DPYD: variants seen among roughly 807,000 people sequenced by gnomAD.
DPYD encodes dihydropyrimidine dehydrogenase, also known as dihydropyrimidine dehydrogenase [NADP(+)].
DPYD carries 109 observed loss-of-function variants against 116.2 expected under a neutral mutation model. That is an observed-to-expected ratio of 0.94 (90% CI 0.80 to 1.10). The LOEUF (loss-of-function observed/expected upper bound fraction) is 1.10. DPYD is among the 50% of genes least tolerant of loss of function. DPYD has a pLI of 0.00. For missense variants in DPYD, 1,302 were observed against 1,254.5 expected, an observed-to-expected ratio of 1.04 and a Z score of -0.57; for synonymous variants, 440 against 432.0, an observed-to-expected ratio of 1.02 and a Z score of -0.23.
intron 3 of DPYD, chr1:97,774,778 T>G (rs1419205368): frequency 5.6e-6 from 1 of 178,698 alleles, no homozygotes; most frequent in East Asian, 1.6e-4. Context: ...TACCCTGAAG[T>G]AGTTGGTAAC....
intron 20 of DPYD, among the ~76,000 whole-genome samples, chr1:97,191,240 G>T (rs1176178331): frequency 2.0e-5 from 3 of 151,910 alleles, no homozygotes; most frequent in Non-Finnish European, 2.9e-5. Context: ...AAAAAAGAAC[G>T]ATTAGGAAAT....
chr1:97,446,339 G>T (rs1021277707), intron 14 of DPYD, among the ~76,000 whole-genome samples: 1 of 152,208 alleles, frequency 6.6e-6, no homozygotes, highest in Admixed American at 6.5e-5. Context: ...CCCAAGCTTC[G>T]CCAGAGTGCC....
intron 1 of DPYD, 98 bp from the exon 2 acceptor site, chr1:97,883,472 T>G: frequency 2.1e-6 from 2 of 932,046 alleles, no homozygotes; most frequent in Non-Finnish European, 3.3e-6. Flanking sequence ...AGACACGGTC[T>G]CTCTCACTTT....
chr1:97,659,124 G>T (rs115566878), intron 8 of DPYD, among the ~76,000 whole-genome samples: 1,805 of 152,102 alleles, frequency 0.012, 14 homozygotes, highest in Middle Eastern at 0.031. Context: ...AACTCTCTGG[G>T]AATCTCTCTA....
chr1:97,253,034 T>G (rs1663210903), intron 18 of DPYD, among the ~76,000 whole-genome samples: 1 of 152,188 alleles, frequency 6.6e-6, no homozygotes, highest in Non-Finnish European at 1.5e-5. Context: ...AAAAAAATGA[T>G]GTATTTCCCA....
intron 20 of DPYD, among the ~76,000 whole-genome samples, chr1:97,111,686 C>A (rs540381398): frequency 6.6e-6 from 1 of 152,154 alleles, no homozygotes; most frequent in African/African-American, 2.4e-5. Context: ...AAATCTCCAA[C>A]CCCTCTAAAA....
At chr1:97,136,263 C>A (rs182920584) in intron 20 of DPYD, among the ~76,000 whole-genome samples, 4 of 152,284 alleles carry the variant, frequency 2.6e-5, no homozygotes, top group Non-Finnish European at 5.9e-5. Context: ...AATCATTACA[C>A]AAATAAAATC....
chr1:97,286,825 A>T (rs775144797), intron 18 of DPYD, among the ~76,000 whole-genome samples: 4 of 152,160 alleles, frequency 2.6e-5, no homozygotes, highest in Non-Finnish European at 5.9e-5. Flanking sequence ...ATTCGTCTAA[A>T]TTATTTTCAA....
At chr1:97,503,485 C>T (rs1403971178) in intron 13 of DPYD, among the ~76,000 whole-genome samples, 2 of 152,030 alleles carry the variant, frequency 1.3e-5, no homozygotes, top group Non-Finnish European at 2.9e-5. Context: ...GGCAGAGATA[C>T]TAAGCAGGCC....
At chr1:97,859,013 T>C (rs2101587353) in intron 2 of DPYD, among the ~76,000 whole-genome samples, 1 of 152,214 alleles carries the variant, frequency 6.6e-6, no homozygotes, top group South Asian at 2.1e-4. Flanking sequence ...TTTACTCAAC[T>C]TTTTCTCCTC....
chr1:97,744,618 A>G (rs1333266973), intron 3 of DPYD, among the ~76,000 whole-genome samples: 1 of 152,106 alleles, frequency 6.6e-6, no homozygotes, highest in Non-Finnish European at 1.5e-5. Flanking sequence ...AAGTATTCAC[A>G]TTAAAAATTA....
At position 97,695,003 on chromosome 1, in the gene DPYD, A is replaced by C. The variant is rs1048006660; in HGVS notation, c.681-3205T>G. Among the ~76,000 whole-genome samples the C allele has an allele frequency of 3.7e-4, 57 of 152,224 alleles. 1 individual carries two copies. Among genetic ancestry groups the C allele is most frequent in the Middle Eastern group, 6.3e-3 (2 of 316 alleles). ...CAGGAAAGTTAACTTGCAGAACTACAGTTAAATAGAGGCCATCAGCAACTG... is the reference window on the plus strand; with the variant it reads ...CAGGAAAGTTAACTTGCAGAACTACCGTTAAATAGAGGCCATCAGCAACTG... On this transcript the variant is annotated intron_variant, in intron 6 of 22. Coordinates refer to ENST00000370192, the MANE Select transcript of DPYD (RefSeq NM_000110.4).
At position 97,088,175 on chromosome 1, in the gene DPYD, G is replaced by C. The variant is rs1649653856; in HGVS notation, c.2767-5705C>G. The stretch of plus-strand genomic sequence containing the variant: ...TTTTTCTTGATCCATCTTCAGGTTA[G>C]AGTTGCTGACTATAAGATAATATCT... On this transcript the variant is annotated intron_variant, in intron 21 of 22. Transcript: ENST00000370192. Among the ~76,000 whole-genome samples, 3 of 152,176 alleles carry C rather than the reference G, an allele frequency of 2.0e-5. No individual in the cohort carries two copies. The South Asian group carries it at 6.2e-4, about 32-fold the overall frequency.
rs548807434 is a variant in DPYD, at chr1:97,625,316, A to C, written c.851-30150T>G. On this transcript the variant is annotated intron_variant, in intron 8 of 22. Transcript: ENST00000370192. ...ATTCTAATTGGAAGGATTACATGTA[A>C]GAAGAATTTCTGAACAAGAGTCTGC... is the stretch of plus-strand genomic sequence containing the variant. Among the ~76,000 whole-genome samples the C allele has an allele frequency of 8.7e-3, 1,321 of 152,174 alleles. 20 individuals carry two copies. The highest frequency in any genetic ancestry group is 0.029 in the African/African-American group (1,221 of 41,546).
At chr1:97,602,468 A>G (rs1655313274) in intron 8 of DPYD, among the ~76,000 whole-genome samples, 1 of 152,000 alleles carries the variant, frequency 6.6e-6, no homozygotes, top group African/African-American at 2.4e-5. Context: ...TATGAAATGA[A>G]TTGAATTTGA....
At chr1:97,258,347 C>T (rs1163442322) in intron 18 of DPYD, among the ~76,000 whole-genome samples, 1 of 152,164 alleles carries the variant, frequency 6.6e-6, no homozygotes, top group Non-Finnish European at 1.5e-5. Flanking sequence ...TAAGCCTGTG[C>T]TTCCAAGCCA....
intron 14 of DPYD, among the ~76,000 whole-genome samples, chr1:97,421,490 T>C (rs1228198800): frequency 6.6e-6 from 1 of 151,992 alleles, no homozygotes; most frequent in Non-Finnish European, 1.5e-5. Context: ...CCTAGAAACT[T>C]TGGGTGTTTG....
chr1:97,390,843 C>A (rs1460799804), intron 14 of DPYD, among the ~76,000 whole-genome samples: 1 of 151,864 alleles, frequency 6.6e-6, no homozygotes, highest in Non-Finnish European at 1.5e-5. Flanking sequence ...TTTGATCACT[C>A]CATAATATAT....
chr1:97,787,636 CA>C (rs1335769621), intron 3 of DPYD, among the ~76,000 whole-genome samples: 3 of 151,362 alleles, frequency 2.0e-5, no homozygotes, highest in Non-Finnish European at 2.9e-5. Context: ...TCCATTTGTT[CA>C]TAAAAAAGAA....
Sources: allele counts gnomAD v4.1 joint callset (sites outside exome capture counted in the v4.1 genomes callset), GRCh38; gene constraint gnomAD v4.1.1; transcripts MANE v1.5; gene names NCBI Gene and HGNC (gene_info 2026-07-23, HGNC 2026-07-21).